PRKAA1: variants seen among roughly 807,000 people sequenced by gnomAD.
The protein encoded by PRKAA1 is protein kinase AMP-activated catalytic subunit alpha 1.
In PRKAA1, 23 loss-of-function variants were observed where a neutral mutation model predicts 56.9. The ratio of observed to expected loss-of-function variants is 0.40; its 90% CI spans 0.29 to 0.57. PRKAA1 has a LOEUF of 0.57. PRKAA1 is among the 20% of genes least tolerant of loss of function. PRKAA1 has a pLI of 0.39. For missense variants in PRKAA1, 413 were observed against 679.7 expected (o/e 0.61, Z 4.36); for synonymous variants, 226 against 227.0 (o/e 1.00, Z 0.04).
intron 1 of PRKAA1, among the ~76,000 whole-genome samples, chr5:40,780,708 G>C (rs1185607540): frequency 6.6e-6 from 1 of 152,116 alleles, no homozygotes; most frequent in East Asian, 1.9e-4. Context: ...CTGGAGTTCT[G>C]ATGTTCAATT....
intron 1 of PRKAA1, among the ~76,000 whole-genome samples, chr5:40,795,624 A>G (rs1301595488): frequency 6.6e-6 from 1 of 152,122 alleles, no homozygotes; most frequent in Non-Finnish European, 1.5e-5. Context: ...TGCTGGAAGG[A>G]CTTATCTGTG....
Position 40,795,008 on chromosome 5 carries a change from TACAC to T in PRKAA1, c.127+3051_127+3054del, listed in dbSNP as rs201435537. Among the ~76,000 whole-genome samples the T allele has an allele frequency of 2.4e-3, 364 of 150,004 alleles. 2 individuals are homozygous for T. The highest frequency in any genetic ancestry group is 3.8e-3 in the Non-Finnish European group (256 of 67,500). On this transcript the variant is annotated intron_variant, in intron 1 of 8. Transcript: ENST00000397128. Reference sequence around the variant, plus strand: ...AGAAACTGTGGTGTATACATATATATACACACACACACACACACACACACACAAA... The same window carrying T: ...AGAAACTGTGGTGTATACATATATATACACACACACACACACACACACAAA...
chr5:40,775,694 A>G (rs1029831656), intron 2 of PRKAA1, among the ~76,000 whole-genome samples, 191 bp from the exon 3 acceptor site: 2 of 152,210 alleles, frequency 1.3e-5, no homozygotes, highest in Admixed American at 1.3e-4. Context: ...TAAATAAGCA[A>G]TATCTCAGGT....
At chr5:40,792,419 A>G (rs1744753841) in intron 1 of PRKAA1, among the ~76,000 whole-genome samples, 1 of 152,232 alleles carries the variant, frequency 6.6e-6, no homozygotes, top group African/African-American at 2.4e-5. Flanking sequence ...CCATTATTTC[A>G]TACACGAGTA....
At chr5:40,775,589 C>A (rs1323327763) in intron 2 of PRKAA1, 86 bp from the exon 3 acceptor site, 3 of 1,068,740 alleles carry the variant, frequency 2.8e-6, no homozygotes, top group Non-Finnish European at 4.2e-6. Flanking sequence ...TATAGTATAC[C>A]AGGTACTAGG....
intron 3 of PRKAA1, chr5:40,774,783 G>A (rs1579729506): frequency 3.5e-6 from 2 of 571,778 alleles, no homozygotes; most frequent in Non-Finnish European, 6.1e-6. Flanking sequence ...CCCACAAAGG[G>A]GCTTTTGCAT....
intron 3 of PRKAA1, among the ~76,000 whole-genome samples, chr5:40,772,374 A>G (rs1433472724): frequency 1.3e-5 from 2 of 152,210 alleles, no homozygotes; most frequent in African/African-American, 4.8e-5. Flanking sequence ...AAAGCAAAAT[A>G]TAGGTGCAGT....
intron 5 of PRKAA1, chr5:40,768,683 T>C: frequency 7.9e-7 from 1 of 1,262,342 alleles, no homozygotes; most frequent in Non-Finnish European, 9.9e-7. Flanking sequence ...ATTGAGTTAA[T>C]CAAGATGCAA....
At chr5:40,788,784 G>A (rs545586645) in intron 1 of PRKAA1, among the ~76,000 whole-genome samples, 6 of 152,074 alleles carry the variant, frequency 3.9e-5, no homozygotes, top group African/African-American at 9.6e-5. Context: ...CCAAGATCAC[G>A]CCATTGCACT....
intron 4 of PRKAA1, among the ~76,000 whole-genome samples, chr5:40,771,488 C>T (rs182274190): frequency 5.3e-5 from 8 of 152,186 alleles, no homozygotes; most frequent in East Asian, 3.9e-4. Context: ...GGCGACAAAG[C>T]GAAACCCTGC....
chr5:40,762,955 T>C lies in PRKAA1; in HGVS notation c.1503A>G (p.Arg501=). ...PQRSGSVSNY[R]SCQRSDSDAE... is the part of the protein sequence containing the mutation. ...CATCTGAATCACTCCTTTGGCAAGATCGATAGTTGCTAACTGATCCCGATC... is the reference window on the plus strand; with the variant it reads ...CATCTGAATCACTCCTTTGGCAAGACCGATAGTTGCTAACTGATCCCGATC... Residue 501 remains arginine, a synonymous_variant, in exon 9 of 9, where the codon CGA becomes CGG. Transcript: ENST00000397128. 2 of 1,614,196 alleles carry C rather than the reference T, an allele frequency of 1.2e-6. No homozygotes were observed. The highest frequency in any genetic ancestry group is 8.5e-7 in the Non-Finnish European group (1 of 1,180,036).
Position 40,767,511 on chromosome 5 carries a change from A to G in PRKAA1, c.776T>C (p.Met259Thr), listed in dbSNP as rs772054123. ...NPSVISLLKHMLQVDPMKRAT... is the reference protein window; with the variant it reads ...NPSVISLLKHTLQVDPMKRAT... ...CCTCTTCATGGGATCCACCTGCAGC[A>G]TATGTTTCAAAAGGCTAATCACAGA... The change falls in exon 6 of 9, where the codon ATG (methionine) becomes ACG (threonine). Residue 259 changes from methionine (M) to threonine (T), a missense_variant. Met to Thr is a moderately conservative substitution (Grantham distance 81). This residue lies in a region of PRKAA1 where 113 missense variants were observed against 198.6 expected (regional missense o/e 0.57). Transcript: ENST00000397128. 6.8e-6 allele frequency: 11 copies of G among 1,613,654 alleles called. No individual in the cohort carries two copies. Among genetic ancestry groups the G allele is most frequent in the East Asian group, 4.5e-5 (2 of 44,852 alleles).
intron 1 of PRKAA1, among the ~76,000 whole-genome samples, chr5:40,784,553 C>A (rs1205066780): frequency 6.6e-6 from 1 of 152,106 alleles, no homozygotes; most frequent in African/African-American, 2.4e-5. Flanking sequence ...CAGAAGAACA[C>A]AGAGGAAAAA....
chr5:40,783,625 G>C (rs1744353180), intron 1 of PRKAA1, among the ~76,000 whole-genome samples: 1 of 152,118 alleles, frequency 6.6e-6, no homozygotes, highest in Admixed American at 6.5e-5. Context: ...CAGGCGTGTT[G>C]GCACGCACCT....
At chr5:40,774,075 A>T (rs1235045858) in intron 3 of PRKAA1, among the ~76,000 whole-genome samples, 1 of 152,242 alleles carries the variant, frequency 6.6e-6, no homozygotes, top group Non-Finnish European at 1.5e-5. Flanking sequence ...AGCATTTGGT[A>T]TACAGTAATA....
chr5:40,774,926 A>G, intron 3 of PRKAA1: 1 of 1,592,152 alleles, frequency 6.3e-7, no homozygotes, highest in Non-Finnish European at 8.6e-7. Context: ...TCTAATTCCT[A>G]CCTCCTTCGT....
intron 5 of PRKAA1, among the ~76,000 whole-genome samples, chr5:40,768,166 G>C (rs1394268343): frequency 6.6e-6 from 1 of 152,182 alleles, no homozygotes; most frequent in African/African-American, 2.4e-5. Context: ...AATCCCGTTT[G>C]CAGTGCATTG....
rs182452677 is a variant in PRKAA1, at chr5:40,774,498, G to T, written c.363+912C>A. On this transcript the variant is annotated intron_variant, in intron 3 of 8. Coordinates refer to ENST00000397128, the MANE Select transcript of PRKAA1 (RefSeq NM_006251.6). Reference sequence around the variant, plus strand: ...CCAAGAAATAAACAACAACAGAAAAGATAAGAAAAATATATATCAATTGTG... The same window carrying T: ...CCAAGAAATAAACAACAACAGAAAATATAAGAAAAATATATATCAATTGTG... Among the ~76,000 whole-genome samples the T allele has an allele frequency of 5.6e-5, 8 of 143,558 alleles. No individual in the cohort carries two copies. In the East Asian group the frequency reaches 1.7e-3, roughly 30 times the overall value. The allele number at this position is 143,558 out of a possible 152,430, so 94.2% of individuals were successfully genotyped here. A position where few individuals can be genotyped will look rare whatever the true frequency, so the allele number is the denominator to read the frequency against.
intron 1 of PRKAA1, among the ~76,000 whole-genome samples, chr5:40,797,552 G>A (rs1744980696): frequency 6.6e-6 from 1 of 152,194 alleles, no homozygotes; most frequent in Admixed American, 6.5e-5. Flanking sequence ...TACTTCTGCG[G>A]AAACACATTT....
Sources: allele counts gnomAD v4.1 joint callset (sites outside exome capture counted in the v4.1 genomes callset), GRCh38; gene constraint gnomAD v4.1.1; regional missense constraint gnomAD v4.1.1; transcripts MANE v1.5; gene names NCBI Gene and HGNC (gene_info 2026-07-23, HGNC 2026-07-21).